Variants in YWHAE observed in about 807,000 individuals in gnomAD.
YWHAE encodes tyrosine 3-monooxygenase/tryptophan 5-monooxygenase activation protein epsilon.
In YWHAE, 4 loss-of-function variants were observed where a neutral mutation model predicts 30.1. The observed-to-expected ratio is 0.13, with a 90% CI of 0.07 to 0.30. The LOEUF (loss-of-function observed/expected upper bound fraction) is 0.30, where lower values mean the gene tolerates loss of function less well. Ranked by LOEUF, YWHAE falls within the 10% of genes least tolerant of loss-of-function variation. The probability of loss-of-function intolerance (pLI) is 1.00; values close to 1 mark genes in which losing one functional copy is unlikely to be tolerated. For synonymous variants in YWHAE, 118 were observed against 111.8 expected, an observed-to-expected ratio of 1.06 and a Z score of -0.35; for missense variants, 121 against 315.9, an observed-to-expected ratio of 0.38 and a Z score of 4.68.
chr17:1,362,957 T>C (rs1365791559), intron 2 of YWHAE, among the ~76,000 whole-genome samples: 4 of 152,206 alleles, frequency 2.6e-5, no homozygotes, highest in Non-Finnish European at 5.9e-5. Flanking sequence ...ATGATCTACA[T>C]TCTATTTCTC....
intron 5 of YWHAE, among the ~76,000 whole-genome samples, chr17:1,347,702 A>C (rs2072550260): frequency 6.6e-6 from 1 of 152,178 alleles, no homozygotes; most frequent in South Asian, 2.1e-4. Flanking sequence ...TCATTAACAC[A>C]AACACTAGAA....
In YWHAE at chr17:1,361,920, T is replaced by C. The variant is rs2072870517; in HGVS notation, c.353A>G (p.Lys118Arg). 6 of 1,600,738 alleles carry C rather than the reference T, an allele frequency of 3.7e-6. No homozygotes were observed. The highest frequency in any genetic ancestry group is 1.1e-5 in the South Asian group (1 of 87,932). The part of the protein sequence containing the change: ...LIPAANTGES[K>R]VFYYKMKGDY... Reference sequence around the variant, plus strand: ...AACCTACATTTTATAATAGAAAACCTTGGACTCGCCAGTGTTAGCTGCTGG... The same window carrying C: ...AACCTACATTTTATAATAGAAAACCCTGGACTCGCCAGTGTTAGCTGCTGG... Residue 118 changes from lysine to arginine, a missense_variant, in exon 3 of 6, where the codon AAG (lysine) becomes AGG (arginine). By Grantham distance (26) the Lys-to-Arg change is conservative. Around this residue, in one of 2 missense-constraint regions of YWHAE, gnomAD observed 99 missense variants for 289.3 expected, o/e 0.34. Transcript: ENST00000264335.
intron 1 of YWHAE, among the ~76,000 whole-genome samples, chr17:1,388,117 GGTTTT>G (rs2073333405): frequency 1.5e-5 from 1 of 65,110 alleles, no homozygotes; most frequent in African/African-American, 1.1e-4. Context: ...TTTTTTGGTT[GGTTTT>G]TTTTTTTTTT....
intron 4 of YWHAE, among the ~76,000 whole-genome samples, chr17:1,357,402 CAA>C (rs1195729330): frequency 2.1e-4 from 17 of 80,238 alleles, no homozygotes; most frequent in Admixed American, 2.9e-4. Context: ...GACTCCGTCT[CAA>C]AAAAAAAAAA....
chr17:1,386,779 C>T (rs1271074106), intron 1 of YWHAE, among the ~76,000 whole-genome samples: 3 of 152,122 alleles, frequency 2.0e-5, no homozygotes, highest in South Asian at 2.1e-4. Context: ...GTGAAACACC[C>T]GTCTCTACTG....
intron 1 of YWHAE, among the ~76,000 whole-genome samples, chr17:1,373,886 T>A (rs993400606): frequency 1.3e-5 from 2 of 152,088 alleles, no homozygotes; most frequent in Non-Finnish European, 2.9e-5. Flanking sequence ...CTCCCATGAC[T>A]GGCTTCTTTC....
Position 1,354,365 on chromosome 17 carries a change from GA to G in YWHAE, c.579-19del, listed in dbSNP as rs769092644. 3.1e-6 allele frequency: 5 copies of G among 1,605,324 alleles called. No homozygotes were observed. In the South Asian group the frequency reaches 5.6e-5, roughly 18 times the overall value. ...TTGCCAACCTAAAGGTATTTCAATA[GA>G]AGTGTTATAAAAATTAAGTCCAAAA... On this transcript the variant is annotated intron_variant, in intron 4 of 5. Transcript: ENST00000264335.
intron 1 of YWHAE, among the ~76,000 whole-genome samples, chr17:1,372,992 A>G (rs534274686): frequency 1.0e-3 from 155 of 152,148 alleles, no homozygotes; most frequent in African/African-American, 3.6e-3. Context: ...CAGTAATCCC[A>G]GCACTTTGGG....
At chr17:1,382,782 T>A (rs2073235146) in intron 1 of YWHAE, among the ~76,000 whole-genome samples, 1 of 152,126 alleles carries the variant, frequency 6.6e-6, no homozygotes, top group Admixed American at 6.6e-5. Flanking sequence ...CCCAGCAATT[T>A]GAGAGGCTGA....
At chr17:1,392,656 CCTGG>C (rs1368497231) in intron 1 of YWHAE, among the ~76,000 whole-genome samples, 1 of 151,778 alleles carries the variant, frequency 6.6e-6, no homozygotes, top group Non-Finnish European at 1.5e-5. Context: ...TGAAGACCAG[CCTGG>C]CTAATATGGT....
intron 1 of YWHAE, among the ~76,000 whole-genome samples, chr17:1,391,730 A>G (rs2073391608): frequency 6.6e-6 from 1 of 152,162 alleles, no homozygotes; most frequent in Non-Finnish European, 1.5e-5. Flanking sequence ...TAATCCCTGC[A>G]CTTTGGGGAG....
At chr17:1,374,961 T>C (rs767773754) in intron 1 of YWHAE, among the ~76,000 whole-genome samples, 8 of 152,152 alleles carry the variant, frequency 5.3e-5, no homozygotes, top group Non-Finnish European at 1.2e-4. Flanking sequence ...CTGTATGTCG[T>C]GCAGTGGCTA....
At chr17:1,399,173 TCA>T (rs1491415141) in intron 1 of YWHAE, 1 of 152,076 alleles carries the variant, frequency 6.6e-6, no homozygotes, top group African/African-American at 2.4e-5. Flanking sequence ...GCTCGAACTC[TCA>T]GAGTCGTGGC....
intron 2 of YWHAE, among the ~76,000 whole-genome samples, chr17:1,362,272 CACAG>C (rs2072876290): frequency 2.0e-5 from 3 of 152,084 alleles, no homozygotes; most frequent in African/African-American, 7.2e-5. Flanking sequence ...ACACCCCCTT[CACAG>C]TACCACAGTA....
At chr17:1,353,426 A>G in intron 5 of YWHAE, among the ~76,000 whole-genome samples, 1 of 135,680 alleles carries the variant, frequency 7.4e-6, no homozygotes, top group Non-Finnish European at 1.5e-5. Flanking sequence ...CAACAGAGCG[A>G]GACTCCATCT....
At chr17:1,381,203 C>A (rs910273664) in intron 1 of YWHAE, among the ~76,000 whole-genome samples, 3 of 152,116 alleles carry the variant, frequency 2.0e-5, no homozygotes, top group African/African-American at 7.2e-5. Context: ...CATGGCGAAA[C>A]CCCACCTCCA....
At position 1,345,353 on chromosome 17, in the gene YWHAE, G is replaced by C; in HGVS notation, c.*94C>G. On this transcript the variant is annotated 3_prime_UTR_variant, in exon 6 of 6. Transcript: ENST00000264335. ...ATTCTGAGACCAAATGTAAAAGTCA[G>C]ATTTGGTGGTTCTCAGTGACAATGG... 2 of 1,251,944 alleles carry C rather than the reference G, an allele frequency of 1.6e-6. No individual in the cohort carries two copies. Among genetic ancestry groups the C allele is most frequent in the South Asian group, 2.5e-5 (2 of 80,820 alleles). 77.6% of individuals were successfully genotyped at this position (1,251,944 alleles called of 1,614,324 possible).
At chr17:1,394,124 C>A (rs1171146879) in intron 1 of YWHAE, among the ~76,000 whole-genome samples, 5 of 152,184 alleles carry the variant, frequency 3.3e-5, no homozygotes, top group African/African-American at 1.2e-4. Flanking sequence ...TAAAGGTCAG[C>A]AGACACTAAG....
chr17:1,392,471 G>A (rs1353839108), intron 1 of YWHAE, among the ~76,000 whole-genome samples: 1 of 152,106 alleles, frequency 6.6e-6, no homozygotes, highest in Admixed American at 6.6e-5. Flanking sequence ...ACTCCTTAAT[G>A]GATTCCATTA....
Sources: allele counts gnomAD v4.1 joint callset (sites outside exome capture counted in the v4.1 genomes callset), GRCh38; gene constraint gnomAD v4.1.1; regional missense constraint gnomAD v4.1.1; transcripts MANE v1.5; gene names NCBI Gene and HGNC (gene_info 2026-07-23, HGNC 2026-07-21).